UGT1A10: variants seen among roughly 807,000 people sequenced by gnomAD.
UGT1A10 encodes the protein UDP glucuronosyltransferase family 1 member A10.
Under a neutral mutation model 45.8 loss-of-function variants are expected in UGT1A10, and 49 were observed. The observed-to-expected ratio is 1.07, with a 90% CI of 0.85 to 1.36. The LOEUF is 1.36. Ranked by LOEUF, UGT1A10 falls within the 40% of genes most tolerant of loss-of-function variation. The pLI is 0.00. For missense variants in UGT1A10, 745 were observed against 668.6 expected, an observed-to-expected ratio of 1.11 and a Z score of -1.26; for synonymous variants, 284 against 249.7, an observed-to-expected ratio of 1.14 and a Z score of -1.29.
At chr2:233,729,849 A>G (rs745766875) in intron 1 of UGT1A10, 35 of 1,613,614 alleles carry the variant, frequency 2.2e-5, no homozygotes, top group Non-Finnish European at 2.5e-5. Context: ...TTTTTCAGAG[A>G]GAGGTGTCAG....
At chr2:233,685,221 C>T (rs45498701) in intron 1 of UGT1A10, among the ~76,000 whole-genome samples, 4,353 of 152,090 alleles carry the variant, frequency 0.029, 192 homozygotes, top group African/African-American at 0.099. Context: ...TTAATAGAGA[C>T]GGGGTTTCAC....
At position 233,637,012 on chromosome 2, in the gene UGT1A10, C is replaced by T; in HGVS notation, c.490C>T (p.Pro164Ser). 1 of 1,614,006 alleles carries T rather than the reference C, an allele frequency of 6.2e-7. No individual in the cohort carries two copies. Reference sequence around the variant, plus strand: ...AATTGTTGCTAAATATTTCTCCCTCCCCTCTGTGGTCTTCACCAGGGGAAT... The same window carrying T: ...AATTGTTGCTAAATATTTCTCCCTCTCCTCTGTGGTCTTCACCAGGGGAAT... ...GLIVAKYFSL[P>S]SVVFTRGIFC... Residue 164 changes from proline to serine, a missense_variant, in exon 1 of 5, where the codon CCC (proline) becomes TCC (serine). Pro to Ser is a moderately conservative substitution (Grantham distance 74). Coordinates refer to ENST00000344644, the MANE Select transcript of UGT1A10 (RefSeq NM_019075.4).
intron 1 of UGT1A10, among the ~76,000 whole-genome samples, chr2:233,741,146 C>T (rs1691577481): frequency 6.6e-6 from 1 of 151,880 alleles, no homozygotes; most frequent in Admixed American, 6.6e-5. Flanking sequence ...CCATTTATGA[C>T]AGCACTAATC....
intron 1 of UGT1A10, among the ~76,000 whole-genome samples, chr2:233,753,898 C>T (rs1695337682): frequency 6.6e-6 from 1 of 152,234 alleles, no homozygotes; most frequent in Non-Finnish European, 1.5e-5. Context: ...AAGGAACATG[C>T]TTCTTACACC....
intron 1 of UGT1A10, among the ~76,000 whole-genome samples, chr2:233,670,700 C>T (rs1180684097): frequency 2.0e-5 from 3 of 152,136 alleles, no homozygotes; most frequent in African/African-American, 7.2e-5. Flanking sequence ...TATCCCCCAC[C>T]TTTTGTTGCT....
chr2:233,701,891 A>G (rs955417049), intron 1 of UGT1A10, among the ~76,000 whole-genome samples: 4 of 152,178 alleles, frequency 2.6e-5, no homozygotes, highest in Non-Finnish European at 5.9e-5. Flanking sequence ...AAGAGAAAGC[A>G]GAAAAGATCT....
At chr2:233,718,738 T>A (rs1216581751) in intron 1 of UGT1A10, 13 of 1,611,734 alleles carry the variant, frequency 8.1e-6, no homozygotes, top group Admixed American at 1.7e-5. Context: ...GGTGGCTCAA[T>A]GACAAGGTAA....
chr2:233,758,873 T>C (rs944299191), intron 1 of UGT1A10, among the ~76,000 whole-genome samples: 1 of 152,218 alleles, frequency 6.6e-6, no homozygotes, highest in Non-Finnish European at 1.5e-5. Context: ...ACTTGCCCCA[T>C]AGTCCATGGT....
chr2:233,659,324 T>G (rs1017567132), intron 1 of UGT1A10, among the ~76,000 whole-genome samples: 6 of 152,216 alleles, frequency 3.9e-5, no homozygotes, highest in African/African-American at 1.4e-4. Flanking sequence ...AATAGCCTAC[T>G]GTATAGCAGA....
intron 1 of UGT1A10, chr2:233,648,812 T>C: frequency 1.0e-6 from 1 of 998,944 alleles, no homozygotes; most frequent in Non-Finnish European, 1.5e-6. Context: ...ATCTTCTACT[T>C]AGAGGAGCAT....
intron 1 of UGT1A10, among the ~76,000 whole-genome samples, chr2:233,644,155 G>C (rs371867982): frequency 6.6e-6 from 1 of 152,152 alleles, no homozygotes; most frequent in South Asian, 2.1e-4. Flanking sequence ...TTATGGACTA[G>C]ACTGCCTTTC....
At chr2:233,741,883 TAGA>T (rs1422759422) in intron 1 of UGT1A10, 4 of 151,920 alleles carry the variant, frequency 2.6e-5, no homozygotes, top group Admixed American at 2.0e-4. Context: ...GAGGTGACCC[TAGA>T]AGAAGGGACC....
chr2:233,637,151 A>T lies in UGT1A10; in HGVS notation c.629A>T (p.His210Leu). Residue 210 changes from histidine (H) to leucine (L), a missense_variant, in exon 1 of 5, where the codon CAC (histidine) becomes CTC (leucine). Transcript: ENST00000344644. The part of the protein sequence containing the change: ...AMTFKERVWN[H>L]IVHLEDHLFC... ...ACTTTCAAGGAGAGAGTATGGAACCACATCGTGCACTTGGAGGACCATTTA... is the reference window on the plus strand; with the variant it reads ...ACTTTCAAGGAGAGAGTATGGAACCTCATCGTGCACTTGGAGGACCATTTA... The T allele has an allele frequency of 2.5e-6, 4 of 1,614,012 alleles. No homozygotes were observed. Among genetic ancestry groups the T allele is most frequent in the Non-Finnish European group, 3.4e-6 (4 of 1,179,872 alleles).
chr2:233,647,316 G>T (rs145829220), intron 1 of UGT1A10, among the ~76,000 whole-genome samples: 11 of 152,114 alleles, frequency 7.2e-5, no homozygotes, highest in African/African-American at 2.7e-4. Context: ...TTACATTTTC[G>T]TATCTAAGGT....
intron 1 of UGT1A10, among the ~76,000 whole-genome samples, chr2:233,681,705 C>T (rs2074535114): frequency 6.6e-6 from 1 of 152,008 alleles, no homozygotes; most frequent in Non-Finnish European, 1.5e-5. Flanking sequence ...GATCTGTCCC[C>T]AAGGCAAAGA....
chr2:233,772,354 T>A lies in UGT1A10; in HGVS notation c.1388T>A (p.Met463Lys). The change falls in exon 5 of 5, where the codon ATG becomes AAG. Residue 463 changes from methionine (M) to lysine (K), a missense_variant. Coordinates refer to ENST00000344644, the MANE Select transcript of UGT1A10 (RefSeq NM_019075.4). Reference sequence around the variant, plus strand: ...GCCGTGTTCTGGGTGGAGTTTGTGATGAGGCACAAGGGCGCGCCACACCTG... The same window carrying A: ...GCCGTGTTCTGGGTGGAGTTTGTGAAGAGGCACAAGGGCGCGCCACACCTG... ...DLAVFWVEFVMRHKGAPHLRP... is the reference protein window; with the variant it reads ...DLAVFWVEFVKRHKGAPHLRP... 1.2e-6 allele frequency: 2 copies of A among 1,614,252 alleles called. No homozygotes were observed. The highest frequency in any genetic ancestry group is 1.7e-6 in the Non-Finnish European group (2 of 1,180,050).
At chr2:233,659,182 G>A (rs1314790866) in intron 1 of UGT1A10, among the ~76,000 whole-genome samples, 2 of 152,110 alleles carry the variant, frequency 1.3e-5, no homozygotes, top group African/African-American at 2.4e-5. Context: ...GATGTTAAGT[G>A]GTATTTTCAT....
chr2:233,744,073 C>G, intron 1 of UGT1A10: 1 of 475,704 alleles, frequency 2.1e-6, no homozygotes, highest in Non-Finnish European at 3.5e-6. Context: ...ATGAGCGCCT[C>G]GCATCCCAAG....
chr2:233,713,432 T>C (rs2125633879), intron 1 of UGT1A10: 1 of 1,614,202 alleles, frequency 6.2e-7, no homozygotes, highest in East Asian at 2.2e-5. Flanking sequence ...CTTCCTTTGA[T>C]GTGGTTCTAA....
Sources: gnomAD v4.1 joint callset for allele counts (sites outside exome capture counted in the v4.1 genomes callset) on GRCh38, gnomAD v4.1.1 for gene constraint, MANE v1.5 for transcripts, NCBI Gene and HGNC (gene_info 2026-07-23, HGNC 2026-07-21) for gene names.